The following CYP2A7 variants were observed in gnomAD, a reference collection of about 807,000 sequenced individuals.
CYP2A7 encodes the protein cytochrome P450 family 2 subfamily A member 7.
A neutral mutation model predicts 42.0 loss-of-function variants in CYP2A7; 36 were observed. The observed-to-expected ratio is 0.86, with a 90% CI of 0.66 to 1.13. The LOEUF is 1.13. CYP2A7 is among the 50% of genes most tolerant of loss of function. CYP2A7 has a pLI of 0.00. For missense variants in CYP2A7, 661 were observed against 634.1 expected, an observed-to-expected ratio of 1.04 and a Z score of -0.46; for synonymous variants, 260 against 249.5, an observed-to-expected ratio of 1.04 and a Z score of -0.40.
chr19:40,877,140 C>T (rs753854794), intron 7 of CYP2A7, 50 bp downstream of exon 7: 1 of 1,593,016 alleles, frequency 6.3e-7, no homozygotes, highest in African/African-American at 1.3e-5. Context: ...TCTGGGGACA[C>T]AGAGAAGGGC....
At chr19:40,877,166 T>C (rs371878606) in intron 7 of CYP2A7, 24 bp downstream of exon 7, 1 of 1,608,650 alleles carries the variant, frequency 6.2e-7, no homozygotes, top group African/African-American at 1.3e-5. Flanking sequence ...GTCCCCGTAG[T>C]CTAGGGGGTG....
rs1599789947 is a variant in CYP2A7, at chr19:40,875,683, C to T, written c.*10G>A. The T allele has an allele frequency of 2.5e-6, 4 of 1,610,902 alleles. No homozygotes were observed. The highest frequency in any genetic ancestry group is 4.5e-5 in the East Asian group (2 of 44,898). On this transcript the variant is annotated 3_prime_UTR_variant, in exon 9 of 9. Coordinates refer to ENST00000301146, the MANE Select transcript of CYP2A7 (RefSeq NM_000764.3). ...CCCGCCCACCAGACCTGCACCGGCA[C>T]AGCCCTCGCTCAGCGGGGCAGGAAG...
intron 2 of CYP2A7, among the ~76,000 whole-genome samples, chr19:40,881,062 A>G (rs1297110635): frequency 1.3e-5 from 2 of 151,336 alleles, no homozygotes; most frequent in African/African-American, 2.4e-5. Context: ...ATGGTGAAAC[A>G]TTCTTAAGCT....
At chr19:40,878,577 C>T (rs552054838) in intron 5 of CYP2A7, among the ~76,000 whole-genome samples, 183 bp downstream of exon 5, 28 of 151,892 alleles carry the variant, frequency 1.8e-4, no homozygotes, top group African/African-American at 6.3e-4. Context: ...TCAGGTGATC[C>T]ACCTGCCTCG....
At chr19:40,880,934 G>A (rs1967667337) in intron 2 of CYP2A7, among the ~76,000 whole-genome samples, 1 of 150,818 alleles carries the variant, frequency 6.6e-6, no homozygotes, top group South Asian at 2.1e-4. Flanking sequence ...GAAACAGAGG[G>A]ATAAGGGGAT....
At chr19:40,881,172 G>A (rs544100584) in intron 2 of CYP2A7, among the ~76,000 whole-genome samples, 1 of 151,762 alleles carries the variant, frequency 6.6e-6, no homozygotes, top group African/African-American at 2.4e-5. Flanking sequence ...GTGGAAGTAA[G>A]AATAGCATGA....
rs763228637 is a variant in CYP2A7 at position 40,877,245 on chromosome 19, C to T, written c.1106G>A (p.Ser369Asn). The T allele has an allele frequency of 4.3e-6, 7 of 1,612,822 alleles. No individual in the cohort carries two copies. The Middle Eastern group carries it at 5.0e-4, about 114-fold the overall frequency. The part of the protein sequence containing the change: ...IQRFGDVIPM[S>N]LARRVKKDTK... ...GTCCTTTTTAACCCTGCGGGCCAAA[C>T]TCATGGGGATCACGTCTCCAAATCT... is the stretch of plus-strand genomic sequence containing the variant. The change falls in exon 7 of 9, where the codon AGT becomes AAT. Residue 369 changes from serine (S) to asparagine (N), a missense_variant. This residue lies in a region of CYP2A7 where 614 missense variants were observed against 552.4 expected (regional missense o/e 1.11). Transcript: ENST00000301146.
intron 2 of CYP2A7, 50 bp from the exon 3 acceptor site, chr19:40,880,678 A>G: frequency 6.3e-7 from 1 of 1,575,156 alleles, no homozygotes; most frequent in Non-Finnish European, 8.6e-7. Context: ...CGGCGGTGGC[A>G]GGAGCGGACC....
In CYP2A7 at chr19:40,877,982, G is replaced by T. The variant is rs749856920; in HGVS notation, c.843C>A (p.Asn281Lys). The change falls in exon 6 of 9, where the codon AAC becomes AAA. Residue 281 changes from asparagine to lysine, a missense_variant. Asn to Lys is a moderately conservative substitution (Grantham distance 94). This residue lies in a region of CYP2A7 where 614 missense variants were observed against 552.4 expected (regional missense o/e 1.11). Coordinates refer to ENST00000301146, the MANE Select transcript of CYP2A7 (RefSeq NM_000764.3). ...TCTTCAAGTAGAACTCCGTGTTGGGGTTCTTCTCCTCCTGCAGGGAGAGGG... is the reference window on the plus strand; with the variant it reads ...TCTTCAAGTAGAACTCCGTGTTGGGTTTCTTCTCCTCCTGCAGGGAGAGGG... The part of the protein sequence containing the change: ...FLIHMQEEEK[N>K]PNTEFYLKNL... The T allele has an allele frequency of 6.2e-7, 1 of 1,611,388 alleles. No individual in the cohort carries two copies. The highest frequency in any genetic ancestry group is 8.5e-7 in the Non-Finnish European group (1 of 1,178,562).
rs1447462250 is a variant in CYP2A7 at position 40,878,862 on chromosome 19, C to G, written c.729G>C (p.Gly243=). The change falls in exon 5 of 9, where the codon GGG becomes GGC. Residue 243 remains glycine, a synonymous_variant. Coordinates refer to ENST00000301146, the MANE Select transcript of CYP2A7 (RefSeq NM_000764.3). ...CCTTCTTGGCTATGAAGTCCTCCAG[C>G]CCTTGCAGCAACTTAAAGGCCTGTT... ...PQQQAFKLLQ[G]LEDFIAKKVE... The G allele has an allele frequency of 6.2e-7, 1 of 1,611,454 alleles. No homozygotes were observed. Among genetic ancestry groups the G allele is most frequent in the South Asian group, 1.1e-5 (1 of 90,968 alleles).
At chr19:40,880,812 A>AGAGC (rs1967656946) in intron 2 of CYP2A7, among the ~76,000 whole-genome samples, 184 bp from the exon 3 acceptor site, 1 of 11,884 alleles carries the variant, frequency 8.4e-5, no homozygotes, top group African/African-American at 2.1e-4. Context: ...AGAGAGAGAG[A>AGAGC]GAGAGAGAGA....
rs1484854043 is a variant in CYP2A7, at chr19:40,875,575, C to T, written c.*118G>A. The T allele has an allele frequency of 3.3e-6, 5 of 1,522,458 alleles. No individual in the cohort carries two copies. In the Admixed American group the frequency reaches 5.6e-5, roughly 17 times the overall value. The allele number at this position is 1,522,458 out of a possible 1,614,324, so 94.3% of individuals were successfully genotyped here. A position where few individuals can be genotyped will look rare whatever the true frequency, so the allele number is the denominator to read the frequency against. ...TTTCTTCTCTTCCCTCTAGCCACCA[C>T]GCCCCTTCCTTTCCCGCATCTTCCC... On this transcript the variant is annotated 3_prime_UTR_variant, in exon 9 of 9. Transcript: ENST00000301146.
rs1967534431 is a variant in CYP2A7 at position 40,876,565 on chromosome 19, T to G, written c.1265A>C (p.Gln422Pro). ...NPQHFLDDKGQFKKSDAFVPF... is the reference protein window; with the variant it reads ...NPQHFLDDKGPFKKSDAFVPF... The stretch of plus-strand genomic sequence containing the variant: ...CACAAAAGCATCACTCTTCTTAAAC[T>G]GCCCCTTGTCATCCAGGAAATGCTG... The change falls in exon 8 of 9, where the codon CAG (glutamine) becomes CCG (proline). Residue 422 changes from glutamine to proline, a missense_variant. Coordinates refer to ENST00000301146, the MANE Select transcript of CYP2A7 (RefSeq NM_000764.3). 1 of 1,612,960 alleles carries G rather than the reference T, an allele frequency of 6.2e-7. No individual in the cohort carries two copies. Among genetic ancestry groups the G allele is most frequent in the African/African-American group, 1.3e-5 (1 of 74,870 alleles).
intron 4 of CYP2A7, 137 bp downstream of exon 4, chr19:40,879,947 A>G (rs1232461132): frequency 1.4e-6 from 2 of 1,417,156 alleles, no homozygotes; most frequent in African/African-American, 1.4e-5. Context: ...GCAACTGTCC[A>G]GTTGTCCAAT....
intron 8 of CYP2A7, 83 bp downstream of exon 8, chr19:40,876,444 G>A: frequency 6.2e-7 from 1 of 1,602,954 alleles, no homozygotes; most frequent in South Asian, 1.1e-5. Context: ...GAAATACCAG[G>A]CTACACCGCA....
chr19:40,881,921 A>G (rs1309312628), intron 1 of CYP2A7, 110 bp downstream of exon 1: 3 of 1,508,660 alleles, frequency 2.0e-6, no homozygotes, highest in Non-Finnish European at 2.7e-6. Context: ...TGAAACTCCA[A>G]AACTCCCTTT....
chr19:40,878,825 G>C lies in CYP2A7; in HGVS notation c.766C>G (p.Gln256Glu). The change falls in exon 5 of 9, where the codon CAG (glutamine) becomes GAG (glutamate). Residue 256 changes from glutamine (Q) to glutamate (E), a missense_variant. This residue lies in a region of CYP2A7 where 614 missense variants were observed against 552.4 expected (regional missense o/e 1.11). Coordinates refer to ENST00000301146, the MANE Select transcript of CYP2A7 (RefSeq NM_000764.3). ...GGGGAATTGGGATCCAGCGTGCGCT[G>C]GTTGTGCTCCACCTTCTTGGCTATG... ...DFIAKKVEHNQRTLDPNSPQD... is the reference protein window; with the variant it reads ...DFIAKKVEHNERTLDPNSPQD... 6.2e-7 allele frequency: 1 copy of C among 1,612,356 alleles called. No individual in the cohort carries two copies. The highest frequency in any genetic ancestry group is 8.5e-7 in the Non-Finnish European group (1 of 1,178,798).
chr19:40,878,694 C>T, intron 5 of CYP2A7, 66 bp downstream of exon 5: 1 of 1,591,356 alleles, frequency 6.3e-7, no homozygotes, highest in Non-Finnish European at 8.6e-7. Flanking sequence ...GTCTGCCCGC[C>T]CCACTCCCAG....
chr19:40,878,957 T>C (rs1180501236), intron 4 of CYP2A7, 21 bp from the exon 5 acceptor site: 1 of 1,599,096 alleles, frequency 6.3e-7, no homozygotes, highest in Admixed American at 1.7e-5. Flanking sequence ...AGAGAGAGGA[T>C]GGGAAGGGAA....
Sources: gnomAD v4.1 joint callset for allele counts (sites outside exome capture counted in the v4.1 genomes callset) on GRCh38, gnomAD v4.1.1 for gene constraint, gnomAD v4.1.1 regional missense constraint, MANE v1.5 for transcripts, NCBI Gene and HGNC (gene_info 2026-07-23, HGNC 2026-07-21) for gene names.